PRKRIP1: variants seen among roughly 807,000 people sequenced by gnomAD.
The protein encoded by PRKRIP1 is PRKR interacting protein 1, also known as PRKR-interacting protein 1.
Under a neutral mutation model 29.3 loss-of-function variants are expected in PRKRIP1, and 29 were observed. The observed-to-expected ratio is 0.99, with a 90% CI of 0.74 to 1.35. The LOEUF (loss-of-function observed/expected upper bound fraction) is 1.35, where lower values mean the gene tolerates loss of function less well. Among genes scored for constraint, PRKRIP1 ranks in the 40% most tolerant of loss-of-function variants. The pLI is 0.00. For missense variants in PRKRIP1, 247 were observed against 236.8 expected, an observed-to-expected ratio of 1.04 and a Z score of -0.28; for synonymous variants, 90 against 85.1, an observed-to-expected ratio of 1.06 and a Z score of -0.32.
intron 5 of PRKRIP1, among the ~76,000 whole-genome samples, chr7:102,412,868 C>A (rs1337690284): frequency 6.6e-6 from 1 of 152,156 alleles, no homozygotes; most frequent in East Asian, 1.9e-4. Flanking sequence ...AGACTCCCGG[C>A]AGTGTGGGAC....
At chr7:102,417,475 T>C (rs1235555092) in intron 5 of PRKRIP1, among the ~76,000 whole-genome samples, 2 of 152,176 alleles carry the variant, frequency 1.3e-5, no homozygotes, top group Non-Finnish European at 2.9e-5. Context: ...TCTATCAGTA[T>C]GAGCTTGTGG....
intron 5 of PRKRIP1, among the ~76,000 whole-genome samples, chr7:102,420,594 G>T (rs1174237725): frequency 6.6e-6 from 1 of 152,122 alleles, no homozygotes; most frequent in African/African-American, 2.4e-5. Context: ...CAAATGACTT[G>T]TCTGTGCCCC....
intron 4 of PRKRIP1, among the ~76,000 whole-genome samples, chr7:102,406,164 G>C (rs1170724138): frequency 6.6e-6 from 1 of 152,158 alleles, no homozygotes; most frequent in Non-Finnish European, 1.5e-5. Flanking sequence ...GGAGTTTTCA[G>C]TGCATCTCAT....
chr7:102,406,465 T>C (rs1796225317), intron 4 of PRKRIP1, among the ~76,000 whole-genome samples: 1 of 152,180 alleles, frequency 6.6e-6, no homozygotes, highest in Non-Finnish European at 1.5e-5. Context: ...TTTTTTGATT[T>C]TCGCTCAGCT....
rs1369985920 is a variant in PRKRIP1 at position 102,396,485 on chromosome 7, A to G, written c.74A>G (p.Lys25Arg). The G allele has an allele frequency of 1.9e-6, 3 of 1,610,112 alleles. No individual in the cohort carries two copies. Among genetic ancestry groups the G allele is most frequent in the Non-Finnish European group, 1.7e-6 (2 of 1,179,186 alleles). The change falls in exon 1 of 6, where the codon AAG (lysine) becomes AGG (arginine). Residue 25 changes from lysine to arginine, a missense_variant. Physicochemically the swap from Lys to Arg is conservative, Grantham distance 26. Around this residue, in one of 3 missense-constraint regions of PRKRIP1, gnomAD observed 105 missense variants for 80.2 expected, o/e 1.31. Coordinates refer to ENST00000397912, the MANE Select transcript of PRKRIP1 (RefSeq NM_024653.4). ...GAGCCGCAGACGCTCGTCATCCCCA[A>G]GAATGCGGCGGAGGAGCAGAAGCTC... The part of the protein sequence containing the change: ...KKEPQTLVIP[K>R]NAAEEQKLKL...
intron 3 of PRKRIP1, among the ~76,000 whole-genome samples, chr7:102,401,880 G>A (rs782633952): frequency 6.6e-6 from 1 of 152,156 alleles, no homozygotes; most frequent in Non-Finnish European, 1.5e-5. Context: ...TCCAGCCTGG[G>A]CGACAGAGTG....
At chr7:102,422,804 A>C (rs1046376984) in intron 5 of PRKRIP1, among the ~76,000 whole-genome samples, 3 of 152,186 alleles carry the variant, frequency 2.0e-5, no homozygotes. Context: ...TGTTATATTT[A>C]CCTTCAGGCT....
In PRKRIP1 at chr7:102,421,935, TG is replaced by T. The variant is rs574077219; in HGVS notation, c.458-3078del. On this transcript the variant is annotated intron_variant, in intron 5 of 5. Coordinates refer to ENST00000397912, the MANE Select transcript of PRKRIP1 (RefSeq NM_024653.4). ...CTGTGCTGCTTAATTACTCTGAACA[TG>T]CTATTTTCCACTGTATGAATGGCCC... Among the ~76,000 whole-genome samples the T allele has an allele frequency of 2.3e-3, 345 of 152,202 alleles. 1 individual carries two copies. The highest frequency in any genetic ancestry group is 7.8e-3 in the African/African-American group (323 of 41,528).
At chr7:102,404,712 A>T in intron 4 of PRKRIP1, 29 bp downstream of exon 4, 1 of 1,586,348 alleles carries the variant, frequency 6.3e-7, no homozygotes, top group South Asian at 1.1e-5. Context: ...CTGTGATGAC[A>T]CTTAAGGGCC....
intron 3 of PRKRIP1, among the ~76,000 whole-genome samples, chr7:102,400,515 GA>G (rs1302596025): frequency 2.0e-5 from 3 of 151,418 alleles, no homozygotes; most frequent in Middle Eastern, 3.4e-3. Flanking sequence ...GTTTGTGTGA[GA>G]AAAAAAAACT....
intron 5 of PRKRIP1, among the ~76,000 whole-genome samples, chr7:102,409,699 C>T (rs527767544): frequency 5.2e-4 from 79 of 152,130 alleles, no homozygotes; most frequent in African/African-American, 1.8e-3. Context: ...TGGTGCACGC[C>T]TGTCGTCCTA....
rs563458955 is a variant in PRKRIP1, at chr7:102,425,019, G to A, written c.463G>A (p.Gly155Ser). ...TGAATGTCGTGTGGTTACAGGACCC[G>A]GTCAGCCCAAGGAGCAGGGGTCCAG... ...KLEQKKQEGP[G>S]QPKEQGSSSS... is the part of the protein sequence containing the mutation. Residue 155 changes from glycine to serine, a missense_variant, in exon 6 of 6, where the codon GGT (glycine) becomes AGT (serine). Around this residue, in one of 3 missense-constraint regions of PRKRIP1, gnomAD observed 134 missense variants for 126.6 expected, o/e 1.06. Coordinates refer to ENST00000397912, the MANE Select transcript of PRKRIP1 (RefSeq NM_024653.4). The A allele has an allele frequency of 6.0e-5, 96 of 1,612,154 alleles. No homozygotes were observed. Among genetic ancestry groups the A allele is most frequent in the Non-Finnish European group, 7.5e-5 (89 of 1,179,386 alleles).
At chr7:102,409,756 C>T (rs1478409318) in intron 5 of PRKRIP1, among the ~76,000 whole-genome samples, 1 of 151,782 alleles carries the variant, frequency 6.6e-6, no homozygotes, top group Non-Finnish European at 1.5e-5. Context: ...CCCAGGAGGT[C>T]AAGGCTGCAG....
chr7:102,399,251 C>T (rs1175531884), intron 2 of PRKRIP1, among the ~76,000 whole-genome samples: 1 of 152,172 alleles, frequency 6.6e-6, no homozygotes, highest in African/African-American at 2.4e-5. Flanking sequence ...AGAAATTTAG[C>T]GTGTCAAATG....
chr7:102,415,530 C>A (rs1328505265), intron 5 of PRKRIP1, among the ~76,000 whole-genome samples: 1 of 152,264 alleles, frequency 6.6e-6, no homozygotes, highest in Non-Finnish European at 1.5e-5. Context: ...GCCACCGCAC[C>A]CAGCCCCAAA....
intron 5 of PRKRIP1, among the ~76,000 whole-genome samples, chr7:102,409,883 C>G (rs1421613937): frequency 6.6e-6 from 1 of 152,096 alleles, no homozygotes; most frequent in Non-Finnish European, 1.5e-5. Context: ...CCTCCCTCCT[C>G]AGGGTTTGTT....
In PRKRIP1 at chr7:102,426,522, T is replaced by C. The variant is rs569431896; in HGVS notation, c.*1411T>C. On this transcript the variant is annotated 3_prime_UTR_variant, in exon 6 of 6. Transcript: ENST00000397912. ...TTTTACGTTGCTTTTACTTCTGTAG[T>C]GTAGATTGCCCCGGCCCCTCTCTGA... The C allele has an allele frequency of 1.3e-5, 2 of 152,756 alleles. No homozygotes were observed. The highest frequency in any genetic ancestry group is 4.8e-5 in the African/African-American group (2 of 41,540). The allele number at this position is 152,756 out of a possible 1,614,324, so 9.5% of individuals were successfully genotyped here.
chr7:102,403,864 G>A (rs1203748270), intron 3 of PRKRIP1, among the ~76,000 whole-genome samples: 1 of 152,134 alleles, frequency 6.6e-6, no homozygotes, highest in Non-Finnish European at 1.5e-5. Context: ...CGTGTGTTAC[G>A]CTGCTTTAGA....
chr7:102,407,447 G>T lies in PRKRIP1; in HGVS notation c.406G>T (p.Glu136Ter). The T allele has an allele frequency of 6.2e-7, 1 of 1,609,650 alleles. No homozygotes were observed. The highest frequency in any genetic ancestry group is 8.5e-7 in the Non-Finnish European group (1 of 1,175,966). ...KRRKKRQKLK[E>*]KKLLAKKMKL... ...TTACATTTTTAGCCAGAAGTTAAAA[G>T]AGAAGAAATTACTGGCAAAGAAGAT... Residue 136 changes from glutamate to a stop codon, truncating the protein, a stop_gained, in exon 5 of 6, where the codon GAG (glutamate) becomes TAG (stop). Transcript: ENST00000397912. LOFTEE classifies it high-confidence loss of function.
Sources: allele counts gnomAD v4.1 joint callset (sites outside exome capture counted in the v4.1 genomes callset), GRCh38; gene constraint gnomAD v4.1.1; regional missense constraint gnomAD v4.1.1; transcripts MANE v1.5; gene names NCBI Gene and HGNC (gene_info 2026-07-23, HGNC 2026-07-21).